Variants in CUBN observed in about 807,000 individuals in gnomAD.
CUBN encodes cubilin, also known as 460 kDa receptor.
CUBN carries 282 observed loss-of-function variants against 405.3 expected under a neutral mutation model. The observed-to-expected ratio is 0.70, with a 90% CI of 0.63 to 0.77. CUBN has a LOEUF of 0.77. Among genes scored for constraint, CUBN ranks in the 30% least tolerant of loss-of-function variants. The probability of loss-of-function intolerance (pLI) is 0.00; values close to 1 mark genes in which losing one functional copy is unlikely to be tolerated. For synonymous variants in CUBN, 1,684 were observed against 1,617.0 expected (o/e 1.04, Z -0.99); for missense variants, 4,514 against 4,475.2 (o/e 1.01, Z -0.25).
intron 12 of CUBN, among the ~76,000 whole-genome samples, chr10:17,103,666 T>C (rs7906195): frequency 0.075 from 11,351 of 152,282 alleles, 886 homozygotes; most frequent in African/African-American, 0.2. Flanking sequence ...TCTACTATTG[T>C]CCTAAACATA....
chr10:17,098,105 C>T (rs1161561905), intron 14 of CUBN, among the ~76,000 whole-genome samples: 2 of 152,124 alleles, frequency 1.3e-5, no homozygotes, highest in African/African-American at 4.8e-5. Context: ...TATTCTAAGA[C>T]AAACTTTTTA....
chr10:16,926,157 C>T (rs1842183385), intron 41 of CUBN, among the ~76,000 whole-genome samples: 1 of 152,018 alleles, frequency 6.6e-6, no homozygotes, highest in Non-Finnish European at 1.5e-5. Context: ...GTTAGAAAAG[C>T]CACGTCATTG....
intron 13 of CUBN, among the ~76,000 whole-genome samples, chr10:17,102,594 TC>T (rs1836520079): frequency 3.1e-5 from 3 of 97,968 alleles, no homozygotes; most frequent in South Asian, 4.9e-4. Flanking sequence ...GCCTTGTTAC[TC>T]TTTTTTTTTT....
Position 16,855,438 on chromosome 10 carries a change from T to C in CUBN, c.9455-3995A>G, listed in dbSNP as rs187806205. ...TTGTTTTTATTGTTGTCTAGGACTT[T>C]GTGCTCCTGTGATCCACTAAGATAT... On this transcript the variant is annotated intron_variant, in intron 59 of 66. Transcript: ENST00000377833. Among the ~76,000 whole-genome samples the C allele has an allele frequency of 1.1e-4, 16 of 152,282 alleles. No homozygotes were observed. The East Asian group carries it at 3.1e-3, about 29-fold the overall frequency.
At chr10:17,067,731 G>A (rs1907358) in intron 21 of CUBN, among the ~76,000 whole-genome samples, 123,320 of 152,146 alleles carry the variant, frequency 0.81, 50,199 homozygotes, top group East Asian at 0.94. Context: ...ATATGCAAAC[G>A]AATCTACAGA....
chr10:16,881,356 G>T (rs971409330), intron 56 of CUBN, among the ~76,000 whole-genome samples: 1 of 152,178 alleles, frequency 6.6e-6, no homozygotes, highest in Non-Finnish European at 1.5e-5. Flanking sequence ...ACTTATACTT[G>T]ATTATGTTGA....
chr10:16,831,985 A>G (rs1403889910), intron 64 of CUBN, among the ~76,000 whole-genome samples: 2 of 152,234 alleles, frequency 1.3e-5, no homozygotes, highest in African/African-American at 4.8e-5. Context: ...TTATAAATCT[A>G]TACAATGTCT....
At chr10:17,024,625 C>G (rs1248503617) in intron 27 of CUBN, among the ~76,000 whole-genome samples, 2 of 152,106 alleles carry the variant, frequency 1.3e-5, no homozygotes, top group Non-Finnish European at 2.9e-5. Context: ...CTGCCTAAGC[C>G]TCCTGATGGC....
intron 6 of CUBN, among the ~76,000 whole-genome samples, chr10:17,117,951 C>A (rs1288932122): frequency 6.6e-6 from 1 of 152,082 alleles, no homozygotes; most frequent in Non-Finnish European, 1.5e-5. Context: ...CAGGCATTCC[C>A]CTGTAGCAAG....
chr10:16,842,828 C>T (rs1408520172), intron 60 of CUBN, among the ~76,000 whole-genome samples: 1 of 152,208 alleles, frequency 6.6e-6, no homozygotes, highest in Non-Finnish European at 1.5e-5. Context: ...AGGCTGCCCA[C>T]ACCTCACTGC....
chr10:17,000,468 A>G (rs1231068489), intron 28 of CUBN, among the ~76,000 whole-genome samples: 4 of 152,248 alleles, frequency 2.6e-5, no homozygotes, highest in Non-Finnish European at 5.9e-5. Context: ...TTGAACCTAA[A>G]GAAAGAATGA....
At chr10:16,961,919 A>G (rs1009661327) in intron 31 of CUBN, among the ~76,000 whole-genome samples, 4 of 151,994 alleles carry the variant, frequency 2.6e-5, no homozygotes, top group Admixed American at 6.6e-5. Context: ...TCACCGTGTT[A>G]GCCAGGATGG....
chr10:17,056,703 A>G (rs541377898), intron 22 of CUBN, among the ~76,000 whole-genome samples: 2 of 152,280 alleles, frequency 1.3e-5, no homozygotes, highest in Non-Finnish European at 1.5e-5. Flanking sequence ...TGCACTAACC[A>G]TAAAAGGGAT....
At chr10:17,009,226 A>G (rs1335789252) in intron 28 of CUBN, among the ~76,000 whole-genome samples, 3 of 152,182 alleles carry the variant, frequency 2.0e-5, no homozygotes, top group African/African-American at 7.2e-5. Context: ...ACAATTTTAT[A>G]TTTCGGTTCT....
chr10:16,829,941 T>TTG (rs1838930067), intron 65 of CUBN, among the ~76,000 whole-genome samples: 1 of 150,498 alleles, frequency 6.6e-6, no homozygotes. Context: ...TTTTTTGTTT[T>TTG]GTTTTTTTTT....
At chr10:16,835,673 G>A (rs185602387) in intron 63 of CUBN, among the ~76,000 whole-genome samples, 1 of 150,298 alleles carries the variant, frequency 6.7e-6, no homozygotes, top group Admixed American at 6.6e-5. Context: ...ACCAAAGGAA[G>A]CTTTCATTTG....
At chr10:17,103,372 T>C (rs1260334757) in intron 12 of CUBN, 135 bp from the exon 13 acceptor site, 1 of 686,264 alleles carries the variant, frequency 1.5e-6, no homozygotes, top group South Asian at 1.5e-5. Context: ...TGCCATTCCC[T>C]CTCCTCTGTG....
chr10:17,032,644 G>A (rs892864321), intron 27 of CUBN, among the ~76,000 whole-genome samples: 1 of 152,154 alleles, frequency 6.6e-6, no homozygotes, highest in Non-Finnish European at 1.5e-5. Context: ...AATAACATCT[G>A]AGATGCGAAT....
intron 17 of CUBN, among the ~76,000 whole-genome samples, chr10:17,072,309 C>T (rs1212917408): frequency 6.6e-6 from 1 of 152,018 alleles, no homozygotes. Flanking sequence ...AAAAAATACA[C>T]GTGTTAGCCA....
Sources: allele counts gnomAD v4.1 joint callset (sites outside exome capture counted in the v4.1 genomes callset), GRCh38; gene constraint gnomAD v4.1.1; transcripts MANE v1.5; gene names NCBI Gene and HGNC (gene_info 2026-07-23, HGNC 2026-07-21).